The following PRR5 variants were observed in gnomAD, a reference collection of about 807,000 sequenced individuals.
The protein encoded by PRR5 is proline-rich protein 5.
PRR5 carries 25 observed loss-of-function variants against 30.6 expected under a neutral mutation model. The ratio of observed to expected loss-of-function variants is 0.82; its 90% confidence interval spans 0.60 to 1.14. PRR5 has a LOEUF of 1.14. Among genes scored for constraint, PRR5 ranks in the 50% most tolerant of loss-of-function variants. The probability of loss-of-function intolerance (pLI) is 0.00; values close to 1 mark genes in which losing one functional copy is unlikely to be tolerated. For synonymous variants in PRR5, 286 were observed against 247.1 expected (o/e 1.16, Z -1.48); for missense variants, 600 against 547.1 (o/e 1.10, Z -0.96).
At chr22:44,731,877 G>C in intron 5 of PRR5, 56 bp downstream of exon 5, 4 of 1,562,376 alleles carry the variant, frequency 2.6e-6, no homozygotes, top group Non-Finnish European at 3.5e-6. Flanking sequence ...GCCCACCCTG[G>C]CCTCACTCTA....
At chr22:44,693,469 T>C in intron 1 of PRR5, among the ~76,000 whole-genome samples, 1 of 143,540 alleles carries the variant, frequency 7.0e-6, no homozygotes, top group Non-Finnish European at 1.5e-5. Context: ...AAAAAAAAAG[T>C]GTCAGCAGAG....
In PRR5 at chr22:44,716,181, C is replaced by T. The variant is rs554139158; in HGVS notation, c.215+1510C>T. Among the ~76,000 whole-genome samples the T allele has an allele frequency of 1.8e-4, 27 of 152,338 alleles. 1 individual carries two copies. The East Asian group carries it at 5.0e-3, about 28-fold the overall frequency. On this transcript the variant is annotated intron_variant, in intron 2 of 7. Coordinates refer to ENST00000336985, the MANE Select transcript of PRR5 (RefSeq NM_181333.4). The stretch of plus-strand genomic sequence containing the variant: ...CAGAGAAGCTGCCCTGGGCCCCAGG[C>T]TTCCCTCGTCAGCCCCAGGATTCTA...
At chr22:44,734,878 G>C in intron 6 of PRR5, 149 bp from the exon 7 acceptor site, 9 of 1,128,880 alleles carry the variant, frequency 8.0e-6, no homozygotes, top group Non-Finnish European at 1.1e-5. Flanking sequence ...AGGCCACCGT[G>C]GGCCCTGCCA....
chr22:44,714,554 C>T (rs1036494947), intron 1 of PRR5, 37 bp from the exon 2 acceptor site: 2 of 1,609,524 alleles, frequency 1.2e-6, no homozygotes, highest in Non-Finnish European at 1.7e-6. Context: ...GGCTCTCAGA[C>T]CTCAGGACTG....
chr22:44,736,512 G>A (rs1017464528), intron 7 of PRR5, among the ~76,000 whole-genome samples: 4 of 152,246 alleles, frequency 2.6e-5, no homozygotes, highest in Admixed American at 6.5e-5. Flanking sequence ...AACAGAGGTC[G>A]CTGGCGGGGT....
At chr22:44,700,607 A>C (rs1241071561), upstream of PRR5, among the ~76,000 whole-genome samples, 1 of 152,186 alleles carries the variant, frequency 6.6e-6, no homozygotes, top group Non-Finnish European at 1.5e-5. Context: ...CTGGGCCAAA[A>C]AGTGAGACTC....
intron 1 of PRR5, among the ~76,000 whole-genome samples, chr22:44,669,464 T>C (rs559738860): frequency 6.6e-6 from 1 of 152,272 alleles, no homozygotes; most frequent in African/African-American, 2.4e-5. Context: ...GAGCGCTTAG[T>C]GGTCTGTAAG....
At chr22:44,732,453 C>T (rs1922200274) in intron 6 of PRR5, 62 bp downstream of exon 6, 2 of 1,563,110 alleles carry the variant, frequency 1.3e-6, no homozygotes, top group Non-Finnish European at 1.7e-6. Flanking sequence ...GGCTCAGGTC[C>T]CCACAGGCAG....
At chr22:44,732,524 C>G (rs1922217986) in intron 6 of PRR5, 133 bp downstream of exon 6, 21 of 1,359,752 alleles carry the variant, frequency 1.5e-5, no homozygotes, top group Non-Finnish European at 2.1e-5. Flanking sequence ...GAGGAGAAGC[C>G]TGTCAGGGCC....
At chr22:44,716,434 G>A (rs12168035) in intron 2 of PRR5, among the ~76,000 whole-genome samples, 17,843 of 152,226 alleles carry the variant, frequency 0.12, 1,859 homozygotes, top group African/African-American at 0.28. Flanking sequence ...ACATTGGGAA[G>A]CCAAGGTAGG....
chr22:44,732,840 ACG>A (rs1569111558), intron 6 of PRR5, among the ~76,000 whole-genome samples: 1 of 49,530 alleles, frequency 2.0e-5, no homozygotes, highest in African/African-American at 6.0e-5. Flanking sequence ...CATACTACAC[ACG>A]TGCACACACG....
At chr22:44,728,979 T>C (rs1921387947) in intron 4 of PRR5, among the ~76,000 whole-genome samples, 1 of 152,134 alleles carries the variant, frequency 6.6e-6, no homozygotes, top group South Asian at 2.1e-4. Context: ...GGGTTGTAGT[T>C]TGATGGCCTG....
intron 1 of PRR5, among the ~76,000 whole-genome samples, chr22:44,671,964 T>C (rs190724146): frequency 3.3e-4 from 51 of 152,394 alleles, no homozygotes; most frequent in African/African-American, 1.2e-3. Context: ...GGTCTTGCTA[T>C]ACTGATGTCT....
upstream of PRR5, chr22:44,702,064 C>A: frequency 5.8e-6 from 1 of 171,202 alleles, no homozygotes; most frequent in Non-Finnish European, 1.2e-5. Flanking sequence ...CAGCTGCGGC[C>A]GCGGAGACGC....
intron 1 of PRR5, among the ~76,000 whole-genome samples, chr22:44,712,319 G>A (rs1203126129): frequency 6.6e-6 from 1 of 152,248 alleles, no homozygotes; most frequent in Non-Finnish European, 1.5e-5. Flanking sequence ...GGCAGAGCTG[G>A]ATCTCAGCCT....
chr22:44,732,114 G>A, intron 5 of PRR5, 137 bp from the exon 6 acceptor site: 1 of 1,379,244 alleles, frequency 7.3e-7, no homozygotes, highest in South Asian at 1.3e-5. Context: ...CTTGGGACGG[G>A]GTCATCTGAG....
At position 44,725,270 on chromosome 22, in the gene PRR5, CCTT is replaced by C. The variant is rs1569102925; in HGVS notation, c.247_249del (p.Phe83del). On this transcript the variant is annotated inframe_deletion, in exon 3 of 8. Transcript: ENST00000336985. ...CAGCTGTTGAAGACAGAGCTGGGGT[CCTT>C]CTTCACGGAGTACCTGCAGGTAGGT... 1.2e-6 allele frequency: 2 copies of C among 1,613,812 alleles called. No homozygotes were observed. The highest frequency in any genetic ancestry group is 3.3e-5 in the Admixed American group (2 of 60,032).
At chr22:44,730,825 T>C (rs1345956625) in intron 4 of PRR5, 3 of 435,766 alleles carry the variant, frequency 6.9e-6, no homozygotes, top group African/African-American at 2.1e-5. Context: ...TCTGGGCCAC[T>C]GACTGTGGTG....
In PRR5 at chr22:44,730,253, G is replaced by A. The variant is rs9614892; in HGVS notation, c.323-1477G>A. 6.4e-3 allele frequency: 6,326 copies of A among 984,824 alleles called. 21 individuals carry two copies. Among genetic ancestry groups the A allele is most frequent in the Non-Finnish European group, 7.2e-3 (5,997 of 829,344 alleles). 61.0% of individuals were successfully genotyped at this position (984,824 alleles called of 1,614,324 possible). ...TGGAAACCTCAAAGCAGTTCTGGCC[G>A]GGGGCGCAGCCTGAGAGACAGCCGG... On this transcript the variant is annotated intron_variant, in intron 4 of 7. Coordinates refer to ENST00000336985, the MANE Select transcript of PRR5 (RefSeq NM_181333.4).
Sources: gnomAD v4.1 joint callset for allele counts (sites outside exome capture counted in the v4.1 genomes callset) on GRCh38, gnomAD v4.1.1 for gene constraint, MANE v1.5 for transcripts, NCBI Gene and HGNC (gene_info 2026-07-23, HGNC 2026-07-21) for gene names.